Variants in NOX4 observed in about 807,000 individuals in gnomAD.
The protein encoded by NOX4 is NADPH oxidase 4, also known as kidney oxidase-1.
A neutral mutation model predicts 87.6 loss-of-function variants in NOX4; 69 were observed. The observed-to-expected ratio is 0.79, with a 90% confidence interval of 0.65 to 0.96. The LOEUF (loss-of-function observed/expected upper bound fraction) is 0.96. Ranked by LOEUF, NOX4 falls within the 40% of genes least tolerant of loss-of-function variation. NOX4 has a pLI of 0.00. For synonymous variants in NOX4, 275 were observed against 238.2 expected, an observed-to-expected ratio of 1.15 and a Z score of -1.42; for missense variants, 680 against 681.5, an observed-to-expected ratio of 1.00 and a Z score of 0.02.
At chr11:89,546,628 A>G in the NOX4 span, 1 of 152,184 alleles carries the variant, frequency 6.6e-6, no homozygotes, top group Non-Finnish European at 1.5e-5. Flanking sequence ...GAAAAAAATA[A>G]TTTCTCACAG....
chr11:89,464,888 C>T (rs1292000143), intron 2 of NOX4, among the ~76,000 whole-genome samples: 1 of 152,142 alleles, frequency 6.6e-6, no homozygotes, highest in African/African-American at 2.4e-5. Context: ...GCCCTAGTCA[C>T]CAATGTGATG....
chr11:89,494,268 T>C (rs1012249142), upstream of NOX4, among the ~76,000 whole-genome samples: 12 of 152,354 alleles, frequency 7.9e-5, no homozygotes, highest in East Asian at 1.2e-3. Context: ...AGTATAACAC[T>C]GATCTTCCTA....
chr11:89,491,317 G>A lies in NOX4; in HGVS notation c.-71C>T, dbSNP rs1591381201. On this transcript the variant is annotated 5_prime_UTR_variant, in exon 1 of 18. Transcript: ENST00000263317. ...AGGAGCGGGCGGCGGCCGGGGCAGCGGTTACAGTTGTGCGGCCTGCCGGGC... is the reference window on the plus strand; with the variant it reads ...AGGAGCGGGCGGCGGCCGGGGCAGCAGTTACAGTTGTGCGGCCTGCCGGGC... The A allele has an allele frequency of 1.1e-5, 16 of 1,415,834 alleles. No homozygotes were observed. The highest frequency in any genetic ancestry group is 4.7e-5 in the East Asian group (2 of 42,222). The allele number at this position is 1,415,834 out of a possible 1,614,324, so 87.7% of individuals were successfully genotyped here.
chr11:89,369,391 A>G (rs1424393093), intron 12 of NOX4, among the ~76,000 whole-genome samples: 3 of 152,126 alleles, frequency 2.0e-5, no homozygotes, highest in South Asian at 2.1e-4. Flanking sequence ...AAAAAAAATG[A>G]TAAACTCCCC....
At chr11:89,376,011 A>G (rs1454242477) in intron 11 of NOX4, among the ~76,000 whole-genome samples, 2 of 152,234 alleles carry the variant, frequency 1.3e-5, no homozygotes, top group Non-Finnish European at 2.9e-5. Context: ...ATTATTTCAA[A>G]GCAGATACTG....
At chr11:89,349,144 C>T (rs921698176) in intron 13 of NOX4, among the ~76,000 whole-genome samples, 9 of 151,606 alleles carry the variant, frequency 5.9e-5, no homozygotes, top group East Asian at 3.9e-4. Flanking sequence ...AAAATTAGCC[C>T]GGCATGGTGG....
intron 13 of NOX4, among the ~76,000 whole-genome samples, chr11:89,346,352 A>G (rs1283935945): frequency 6.6e-6 from 1 of 152,194 alleles, no homozygotes; most frequent in Non-Finnish European, 1.5e-5. Flanking sequence ...TCCCCATAAA[A>G]TAATCATGCT....
At chr11:89,543,281 A>T in the NOX4 span, among the ~76,000 whole-genome samples, 1 of 152,228 alleles carries the variant, frequency 6.6e-6, no homozygotes, top group African/African-American at 2.4e-5. Context: ...GAAGAAAGAC[A>T]TTTTATGTGA....
chr11:89,437,073 T>A (rs1306081800), intron 6 of NOX4, among the ~76,000 whole-genome samples: 1 of 151,828 alleles, frequency 6.6e-6, no homozygotes, highest in East Asian at 1.9e-4. Flanking sequence ...ATAAAAATAC[T>A]CTTTATCAGC....
chr11:89,481,075 C>T (rs7925520), intron 2 of NOX4, among the ~76,000 whole-genome samples: 1 of 151,568 alleles, frequency 6.6e-6, no homozygotes, highest in Admixed American at 6.6e-5. Context: ...TTCCTACTGA[C>T]GAGCAAACAT....
the NOX4 span, among the ~76,000 whole-genome samples, chr11:89,509,815 C>T: frequency 6.6e-6 from 1 of 151,870 alleles, no homozygotes; most frequent in Admixed American, 6.6e-5. Context: ...ACGATGTGTC[C>T]GTGTCCACTG....
chr11:89,506,307 G>GAGAA, the NOX4 span, among the ~76,000 whole-genome samples: 1 of 76,356 alleles, frequency 1.3e-5, no homozygotes, highest in Non-Finnish European at 3.5e-5. Flanking sequence ...AAGAAAGAGA[G>GAGAA]AGAAAGAAAG....
At chr11:89,552,976 G>C in the NOX4 span, among the ~76,000 whole-genome samples, 2 of 152,072 alleles carry the variant, frequency 1.3e-5, no homozygotes, top group African/African-American at 4.8e-5. Context: ...CAAGCAGTAA[G>C]AAATTCTTGA....
chr11:89,437,024 A>G (rs1247378298), intron 6 of NOX4, among the ~76,000 whole-genome samples: 1 of 152,126 alleles, frequency 6.6e-6, no homozygotes, highest in Non-Finnish European at 1.5e-5. Context: ...GACTCTATGT[A>G]ATATTAAACA....
At chr11:89,546,484 G>C in the NOX4 span, among the ~76,000 whole-genome samples, 1 of 152,296 alleles carries the variant, frequency 6.6e-6, no homozygotes, top group Non-Finnish European at 1.5e-5. Context: ...GAGAGAGATA[G>C]AGGCTTGGCT....
chr11:89,468,435 C>T (rs1945796802), intron 2 of NOX4, among the ~76,000 whole-genome samples: 1 of 152,188 alleles, frequency 6.6e-6, no homozygotes, highest in African/African-American at 2.4e-5. Context: ...AAGGTCATTG[C>T]CCAGAGCAGT....
chr11:89,331,594 C>T (rs1380905577), intron 17 of NOX4, among the ~76,000 whole-genome samples: 2 of 151,868 alleles, frequency 1.3e-5, no homozygotes, highest in South Asian at 2.1e-4. Flanking sequence ...TTTCTGTCAA[C>T]GCCATATGAT....
intron 6 of NOX4, among the ~76,000 whole-genome samples, chr11:89,438,915 A>G (rs1383983754): frequency 1.9e-5 from 1 of 53,318 alleles, no homozygotes; most frequent in African/African-American, 7.1e-5. Context: ...AATATATAAT[A>G]TAAAATATAT....
At position 89,400,272 on chromosome 11, in the gene NOX4, G is replaced by A. The variant is rs1045560465; in HGVS notation, c.954C>T (p.Pro318=). 6.2e-7 allele frequency: 1 copy of A among 1,613,006 alleles called. No individual in the cohort carries two copies. Among genetic ancestry groups the A allele is most frequent in the Admixed American group, 1.7e-5 (1 of 59,896 alleles). The change falls in exon 10 of 18, where the codon CCC becomes CCT. Residue 318 remains proline, a synonymous_variant. Transcript: ENST00000263317. Reference sequence around the variant, plus strand: ...CCATTCGGATTTCCATGACATCTGAGGGATGACTCATGACCGAAATGATGG... The same window carrying A: ...CCATTCGGATTTCCATGACATCTGAAGGATGACTCATGACCGAAATGATGG... The part of the protein sequence containing the change: ...PVTIISVMSH[P]SDVMEIRMVK...
Sources: allele counts gnomAD v4.1 joint callset (sites outside exome capture counted in the v4.1 genomes callset), GRCh38; gene constraint gnomAD v4.1.1; transcripts MANE v1.5; gene names NCBI Gene and HGNC (gene_info 2026-07-23, HGNC 2026-07-21).